Variants in ABCC4 observed in about 807,000 individuals in gnomAD.
The protein encoded by ABCC4 is ATP-binding cassette sub-family C member 4.
In ABCC4, 102 loss-of-function variants were observed where a neutral mutation model predicts 168.5. The ratio of observed to expected loss-of-function variants is 0.61; its 90% CI spans 0.52 to 0.71. The LOEUF (loss-of-function observed/expected upper bound fraction) is 0.71. Among genes scored for constraint, ABCC4 ranks in the 30% least tolerant of loss-of-function variants. The pLI is 0.00. For synonymous variants in ABCC4, 617 were observed against 590.7 expected (o/e 1.04, Z -0.65); for missense variants, 1,402 against 1,605.8 (o/e 0.87, Z 2.17).
At chr13:95,103,027 G>A (rs916583974) in intron 20 of ABCC4, among the ~76,000 whole-genome samples, 2 of 151,738 alleles carry the variant, frequency 1.3e-5, no homozygotes, top group African/African-American at 4.8e-5. Flanking sequence ...AGCACTTTGG[G>A]AGGCTGAGGT....
intron 4 of ABCC4, among the ~76,000 whole-genome samples, chr13:95,212,279 A>C (rs7334994): frequency 4.0e-5 from 6 of 151,256 alleles, no homozygotes; most frequent in Admixed American, 6.6e-5. Context: ...AGGGAAGGAG[A>C]GAGACCAGCC....
intron 1 of ABCC4, among the ~76,000 whole-genome samples, chr13:95,279,448 T>C (rs1408875264): frequency 1.3e-5 from 2 of 152,204 alleles, no homozygotes; most frequent in South Asian, 2.1e-4. Flanking sequence ...ATGTTAATCA[T>C]GGTTATGGTA....
At chr13:95,203,044 C>G (rs1397776143) in intron 8 of ABCC4, among the ~76,000 whole-genome samples, 1 of 152,106 alleles carries the variant, frequency 6.6e-6, no homozygotes, top group East Asian at 1.9e-4. Context: ...TGCTATTCAC[C>G]CTCCTCAGGC....
chr13:95,044,215 T>C (rs1190979466), intron 28 of ABCC4, 51 bp downstream of exon 28: 4 of 1,486,170 alleles, frequency 2.7e-6, no homozygotes, highest in Non-Finnish European at 3.6e-6. Flanking sequence ...ATGTTTCCCA[T>C]TTACACACTT....
At chr13:95,213,765 G>C (rs2039029749) in intron 4 of ABCC4, among the ~76,000 whole-genome samples, 1 of 152,114 alleles carries the variant, frequency 6.6e-6, no homozygotes, top group African/African-American at 2.4e-5. Context: ...TTGACAGACA[G>C]ACAGAAGGAT....
rs1555336430 is a variant in ABCC4 at position 95,244,641 on chromosome 13, G to GAAAGAAAGAAAGA, written c.306+2321_306+2333dup. Among the ~76,000 whole-genome samples the GAAAGAAAGAAAGA allele has an allele frequency of 3.5e-4, 29 of 83,154 alleles. 10 individuals are homozygous for GAAAGAAAGAAAGA. The highest frequency in any genetic ancestry group is 1.6e-3 in the African/African-American group (27 of 16,910). 54.6% of individuals were successfully genotyped at this position (83,154 alleles called of 152,430 possible). A position where few individuals can be genotyped will look rare whatever the true frequency, so the allele number is the denominator to read the frequency against. On this transcript the variant is annotated intron_variant, in intron 3 of 30. Transcript: ENST00000645237. ...AGAAAGAAAGAAAGAAAGAAAGAAA[G>GAAAGAAAGAAAGA]AAAGAAAGAAAGAAAGAAAGAAAGA...
At chr13:95,202,499 G>T (rs184886256) in intron 8 of ABCC4, among the ~76,000 whole-genome samples, 1 of 152,166 alleles carries the variant, frequency 6.6e-6, no homozygotes, top group African/African-American at 2.4e-5. Context: ...AAGGCCCAGA[G>T]AGTTGGTGAG....
intron 4 of ABCC4, among the ~76,000 whole-genome samples, chr13:95,219,621 C>T (rs2039255969): frequency 6.6e-6 from 1 of 152,114 alleles, no homozygotes; most frequent in Non-Finnish European, 1.5e-5. Flanking sequence ...ATCCTCCTGT[C>T]TCAGCCTCCC....
intron 27 of ABCC4, among the ~76,000 whole-genome samples, chr13:95,049,052 A>G (rs1317102670): frequency 6.6e-6 from 1 of 152,124 alleles, no homozygotes; most frequent in Non-Finnish European, 1.5e-5. Flanking sequence ...CCAAAAAACG[A>G]GCAGGGTGTG....
At position 95,134,690 on chromosome 13, in the gene ABCC4, A is replaced by C. The variant is rs369906742; in HGVS notation, c.2456-18689T>G. 1.1e-4 allele frequency among the ~76,000 whole-genome samples: 17 copies of C among 152,282 alleles called. No individual in the cohort carries two copies. The East Asian group carries it at 2.5e-3, about 23-fold the overall frequency. On this transcript the variant is annotated intron_variant, in intron 19 of 30. Transcript: ENST00000645237. ...AGCCAAGATCACACCACTGCACTCC[A>C]GCCTGGGTGACAGAGCAAGACTCTG...
At chr13:95,218,578 A>G (rs9524839) in intron 4 of ABCC4, among the ~76,000 whole-genome samples, 113,278 of 151,994 alleles carry the variant, frequency 0.75, 43,028 homozygotes, top group Non-Finnish European at 0.84. Context: ...TAGGCCAGGT[A>G]GGGTGGCTCA....
At chr13:95,071,578 T>G in intron 25 of ABCC4, 84 bp downstream of exon 25, 1 of 1,233,816 alleles carries the variant, frequency 8.1e-7, no homozygotes, top group South Asian at 2.3e-5. Context: ...ACTGATCCCC[T>G]TCACACATCC....
intron 26 of ABCC4, among the ~76,000 whole-genome samples, chr13:95,061,404 T>C (rs2033286968): frequency 6.6e-6 from 1 of 152,190 alleles, no homozygotes; most frequent in African/African-American, 2.4e-5. Context: ...AGGTCAGTGC[T>C]AGGATAGCCA....
At position 95,284,150 on chromosome 13, in the gene ABCC4, G is replaced by GT. The variant is rs1379451767; in HGVS notation, c.74+17090dup. ...CTTGAACCTGGGAGGCAGGTTTTTT[G>GT]TTTTTTGTTTTGGTTTTGTTTGAGA... On this transcript the variant is annotated intron_variant, in intron 1 of 30. Coordinates refer to ENST00000645237, the MANE Select transcript of ABCC4 (RefSeq NM_005845.5). 3.3e-5 allele frequency among the ~76,000 whole-genome samples: 5 copies of GT among 152,158 alleles called. No homozygotes were observed. The East Asian group carries it at 9.7e-4, about 29-fold the overall frequency.
intron 19 of ABCC4, among the ~76,000 whole-genome samples, chr13:95,157,823 C>T (rs916790575): frequency 6.6e-6 from 1 of 152,088 alleles, no homozygotes; most frequent in Non-Finnish European, 1.5e-5. Flanking sequence ...GTAATCCCCA[C>T]CACTTTGGGA....
In ABCC4 at chr13:95,296,162, AC is replaced by A. The variant is rs1409454903; in HGVS notation, c.74+5078del. ...CACACACACACACACACACACACAC[AC>A]ACACACACACACACACACACAAAAA... On this transcript the variant is annotated intron_variant, in intron 1 of 30. Coordinates refer to ENST00000645237, the MANE Select transcript of ABCC4 (RefSeq NM_005845.5). Among the ~76,000 whole-genome samples the A allele has an allele frequency of 1.3e-3, 101 of 79,798 alleles. 1 individual carries two copies. Among genetic ancestry groups the A allele is most frequent in the African/African-American group, 3.2e-3 (99 of 30,532 alleles). The allele number at this position is 79,798 out of a possible 152,430, so 52.4% of individuals were successfully genotyped here. A position where few individuals can be genotyped will look rare whatever the true frequency, so the allele number is the denominator to read the frequency against.
intron 20 of ABCC4, among the ~76,000 whole-genome samples, chr13:95,107,126 A>T (rs1214698133): frequency 6.6e-6 from 1 of 152,120 alleles, no homozygotes; most frequent in Admixed American, 6.6e-5. Flanking sequence ...GCATAGTGGC[A>T]GTCACCTGTA....
At chr13:95,081,846 T>C (rs1456927904) in intron 21 of ABCC4, among the ~76,000 whole-genome samples, 1 of 151,650 alleles carries the variant, frequency 6.6e-6, no homozygotes, top group East Asian at 1.9e-4. Flanking sequence ...ACTAATAATA[T>C]GAAAATAGTG....
intron 11 of ABCC4, among the ~76,000 whole-genome samples, chr13:95,184,997 A>T (rs910403020): frequency 6.6e-6 from 1 of 152,214 alleles, no homozygotes; most frequent in Non-Finnish European, 1.5e-5. Context: ...TCTAAAATGG[A>T]TCTTCAGGGA....
Sources: allele counts gnomAD v4.1 joint callset (sites outside exome capture counted in the v4.1 genomes callset), GRCh38; gene constraint gnomAD v4.1.1; transcripts MANE v1.5; gene names NCBI Gene and HGNC (gene_info 2026-07-23, HGNC 2026-07-21).